Variants in CLSTN2 observed in about 807,000 individuals in gnomAD.
CLSTN2 encodes calsyntenin-2.
In CLSTN2, 48 loss-of-function variants were observed where a neutral mutation model predicts 101.2. The observed-to-expected ratio is 0.47, with a 90% CI of 0.38 to 0.60. The LOEUF (loss-of-function observed/expected upper bound fraction) is 0.60. Among genes scored for constraint, CLSTN2 ranks in the 20% least tolerant of loss-of-function variants. CLSTN2 has a pLI of 0.00. For missense variants in CLSTN2, 1,160 were observed against 1,238.2 expected, an observed-to-expected ratio of 0.94 and a Z score of 0.95; for synonymous variants, 481 against 463.6, an observed-to-expected ratio of 1.04 and a Z score of -0.48.
At chr3:139,988,409 A>G (rs1351787018) in intron 1 of CLSTN2, among the ~76,000 whole-genome samples, 1 of 152,348 alleles carries the variant, frequency 6.6e-6, no homozygotes, top group East Asian at 1.9e-4. Flanking sequence ...GAACTTCCAC[A>G]TACGGTGACC....
chr3:140,051,341 G>T (rs534296004), intron 1 of CLSTN2, among the ~76,000 whole-genome samples: 8 of 152,316 alleles, frequency 5.3e-5, no homozygotes, highest in Non-Finnish European at 8.8e-5. Context: ...TCACACTTGG[G>T]TAAAATATTA....
chr3:140,553,307 T>C (rs185429338), intron 10 of CLSTN2, among the ~76,000 whole-genome samples: 24 of 152,358 alleles, frequency 1.6e-4, no homozygotes, highest in East Asian at 7.7e-4. Context: ...ATTTAATATC[T>C]TGTAAGTGCT....
rs747976156 is a variant in CLSTN2 at position 140,556,645 on chromosome 3, G to A, written c.1807G>A (p.Val603Ile). 5 of 1,613,846 alleles carry A rather than the reference G, an allele frequency of 3.1e-6. No individual in the cohort carries two copies. Among genetic ancestry groups the A allele is most frequent in the African/African-American group, 2.7e-5 (2 of 74,898 alleles). The change falls in exon 11 of 17, where the codon GTA (valine) becomes ATA (isoleucine). Residue 603 changes from valine (V) to isoleucine (I), a missense_variant. By Grantham distance (29) the Val-to-Ile change is conservative. Transcript: ENST00000458420. The part of the protein sequence containing the change: ...FPTAGVRRLK[V>I]SSKVQCFGED... ...AACGGCGGGTGTGCGGCGCCTCAAAGTATCCTCCAAAGTCCAGTGAGTGGA... is the reference window on the plus strand; with the variant it reads ...AACGGCGGGTGTGCGGCGCCTCAAAATATCCTCCAAAGTCCAGTGAGTGGA...
At chr3:140,078,755 G>A (rs367563717) in intron 1 of CLSTN2, among the ~76,000 whole-genome samples, 28 of 152,250 alleles carry the variant, frequency 1.8e-4, no homozygotes, top group Middle Eastern at 3.4e-3. Context: ...GAATGCAATC[G>A]TTTATTTCTG....
chr3:140,095,493 G>A (rs982139129), intron 1 of CLSTN2, among the ~76,000 whole-genome samples: 1 of 152,228 alleles, frequency 6.6e-6, no homozygotes, highest in Non-Finnish European at 1.5e-5. Context: ...AAAGCTCAGT[G>A]CCATTAGTGG....
intron 1 of CLSTN2, among the ~76,000 whole-genome samples, chr3:140,101,202 C>T (rs1214626939): frequency 1.3e-5 from 2 of 152,172 alleles, no homozygotes; most frequent in Non-Finnish European, 2.9e-5. Context: ...ATAATAGGCA[C>T]TCAGTAAATT....
chr3:140,367,377 G>T (rs535764989), intron 2 of CLSTN2, among the ~76,000 whole-genome samples: 5 of 152,060 alleles, frequency 3.3e-5, no homozygotes, highest in African/African-American at 7.2e-5. Context: ...ACTGGGTGTG[G>T]TGGTGCATGC....
At chr3:140,276,230 T>G (rs751198849) in intron 2 of CLSTN2, among the ~76,000 whole-genome samples, 1 of 152,206 alleles carries the variant, frequency 6.6e-6, no homozygotes, top group African/African-American at 2.4e-5. Flanking sequence ...ACCAGCCAAC[T>G]GACAACACCT....
chr3:140,064,305 G>A (rs1011483491), intron 1 of CLSTN2, among the ~76,000 whole-genome samples: 2 of 152,188 alleles, frequency 1.3e-5, no homozygotes, highest in Non-Finnish European at 2.9e-5. Context: ...TCCTTTTCCT[G>A]TTTCTGGTTT....
chr3:140,157,834 C>A, intron 1 of CLSTN2, among the ~76,000 whole-genome samples: 1 of 152,246 alleles, frequency 6.6e-6, no homozygotes, highest in East Asian at 1.9e-4. Context: ...AAGCTTTATT[C>A]CTGGGATGCA....
chr3:140,234,836 C>T (rs942547390), intron 2 of CLSTN2, among the ~76,000 whole-genome samples: 2 of 152,142 alleles, frequency 1.3e-5, no homozygotes, highest in East Asian at 1.9e-4. Context: ...TTGCTTTATC[C>T]ATGTAGCTCT....
At chr3:140,517,642 G>A (rs181316582) in intron 8 of CLSTN2, among the ~76,000 whole-genome samples, 1 of 152,310 alleles carries the variant, frequency 6.6e-6, no homozygotes, top group East Asian at 1.9e-4. Flanking sequence ...GTACTGGGGA[G>A]TGTCTACAAA....
chr3:140,530,762 G>A (rs2107778534), intron 8 of CLSTN2, among the ~76,000 whole-genome samples: 1 of 152,306 alleles, frequency 6.6e-6, no homozygotes, highest in South Asian at 2.1e-4. Context: ...GTTGGTTCTT[G>A]GCACTCTACC....
chr3:140,419,902 A>AT (rs573834827), intron 4 of CLSTN2, among the ~76,000 whole-genome samples: 2,584 of 124,968 alleles, frequency 0.021, 48 homozygotes, highest in African/African-American at 0.027. Flanking sequence ...TATTTTGTTG[A>AT]TTTTTTTTTT....
chr3:139,969,689 T>C (rs894714238), intron 1 of CLSTN2, among the ~76,000 whole-genome samples: 4 of 152,174 alleles, frequency 2.6e-5, no homozygotes, highest in Non-Finnish European at 5.9e-5. Context: ...CCTGCTGCTT[T>C]GTGCATGTTG....
chr3:140,475,105 G>C (rs191854562), intron 8 of CLSTN2, among the ~76,000 whole-genome samples: 1 of 129,496 alleles, frequency 7.7e-6, no homozygotes, highest in African/African-American at 2.5e-5. Flanking sequence ...AGTGCAGGTA[G>C]TTTCAGATCT....
intron 1 of CLSTN2, among the ~76,000 whole-genome samples, chr3:140,161,541 C>A (rs1030879595): frequency 6.6e-5 from 10 of 152,142 alleles, no homozygotes; most frequent in African/African-American, 2.4e-4. Context: ...ATCCAGTCAA[C>A]AAGTTACTTT....
chr3:140,372,357 C>T (rs548350633), intron 2 of CLSTN2, among the ~76,000 whole-genome samples: 1 of 152,246 alleles, frequency 6.6e-6, no homozygotes, highest in East Asian at 1.9e-4. Context: ...CTGGCCTTTG[C>T]TCATGTTGTT....
At chr3:140,495,541 A>G in intron 8 of CLSTN2, among the ~76,000 whole-genome samples, 1 of 152,054 alleles carries the variant, frequency 6.6e-6, no homozygotes, top group South Asian at 2.1e-4. Context: ...TTTGCCCATG[A>G]CTATGTCCTG....
Sources: gnomAD v4.1 joint callset for allele counts (sites outside exome capture counted in the v4.1 genomes callset) on GRCh38, gnomAD v4.1.1 for gene constraint, MANE v1.5 for transcripts, NCBI Gene and HGNC (gene_info 2026-07-23, HGNC 2026-07-21) for gene names.